EGFLAM: variants seen among roughly 807,000 people sequenced by gnomAD.
The protein encoded by EGFLAM is EGF like, fibronectin type III and laminin G domains.
A neutral mutation model predicts 113.1 loss-of-function variants in EGFLAM; 79 were observed. The observed-to-expected ratio is 0.70, with a 90% CI of 0.58 to 0.84. The LOEUF is 0.84. Among genes scored for constraint, EGFLAM ranks in the 40% least tolerant of loss-of-function variants. The probability of loss-of-function intolerance (pLI) is 0.00; values close to 1 mark genes in which losing one functional copy is unlikely to be tolerated. For missense variants in EGFLAM, 1,265 were observed against 1,291.6 expected (o/e 0.98, Z 0.32); for synonymous variants, 504 against 487.6 (o/e 1.03, Z -0.44).
At chr5:38,417,056 A>C (rs1441106282) in intron 11 of EGFLAM, among the ~76,000 whole-genome samples, 1 of 152,040 alleles carries the variant, frequency 6.6e-6, no homozygotes, top group Non-Finnish European at 1.5e-5. Context: ...TTTGGTCATA[A>C]AAAAAAGAAT....
rs1740181738 is a variant in EGFLAM at position 38,370,525 on chromosome 5, A to T, written c.712+63A>T. ...GCATATCTGGGCTTGCCTCATGAAG[A>T]CTCACTTGACCTGGATGCCGTGCAG... On this transcript the variant is annotated intron_variant, in intron 6 of 21. Transcript: ENST00000322350. 1.9e-6 allele frequency: 3 copies of T among 1,553,004 alleles called. No individual in the cohort carries two copies. In the Admixed American group the frequency reaches 5.5e-5, roughly 29 times the overall value.
chr5:38,433,096 C>G (rs1008018961), intron 15 of EGFLAM, among the ~76,000 whole-genome samples: 2 of 152,226 alleles, frequency 1.3e-5, no homozygotes, highest in African/African-American at 4.8e-5. Context: ...TTCATCAAGT[C>G]TTTTCCACAA....
intron 1 of EGFLAM, among the ~76,000 whole-genome samples, chr5:38,314,311 A>G (rs940792022): frequency 6.6e-6 from 1 of 152,156 alleles, no homozygotes; most frequent in African/African-American, 2.4e-5. Context: ...TTCCAAGGCT[A>G]TCTGTTCTGT....
chr5:38,329,656 G>A (rs903892572), intron 1 of EGFLAM, among the ~76,000 whole-genome samples: 14 of 152,036 alleles, frequency 9.2e-5, no homozygotes, highest in East Asian at 5.8e-4. Flanking sequence ...TTCGTGGTTC[G>A]TCCCCCAGTT....
At chr5:38,412,461 C>G (rs867316993) in intron 10 of EGFLAM, 43 bp from the exon 11 acceptor site, 1 of 1,613,854 alleles carries the variant, frequency 6.2e-7, no homozygotes. Flanking sequence ...ACATAATGGC[C>G]TGGTTCGTCA....
intron 1 of EGFLAM, among the ~76,000 whole-genome samples, chr5:38,272,413 T>C (rs1325762593): frequency 6.6e-6 from 1 of 152,176 alleles, no homozygotes; most frequent in African/African-American, 2.4e-5. Flanking sequence ...TGTGTGGGAA[T>C]GGCATCGGAG....
chr5:38,287,612 T>C (rs191153242), intron 1 of EGFLAM, among the ~76,000 whole-genome samples: 1 of 152,240 alleles, frequency 6.6e-6, no homozygotes, highest in Non-Finnish European at 1.5e-5. Flanking sequence ...CCTCTAGTGA[T>C]CTGCCCACCT....
intron 14 of EGFLAM, among the ~76,000 whole-genome samples, chr5:38,429,570 A>G (rs1742123983): frequency 6.6e-6 from 1 of 152,232 alleles, no homozygotes; most frequent in Non-Finnish European, 1.5e-5. Flanking sequence ...ATAAAACGTA[A>G]TGAGTAAAAC....
chr5:38,265,758 A>C (rs758059725), intron 1 of EGFLAM, among the ~76,000 whole-genome samples: 1 of 152,224 alleles, frequency 6.6e-6, no homozygotes, highest in Non-Finnish European at 1.5e-5. Context: ...CACATTCCAG[A>C]GCTGGCTCTG....
chr5:38,367,350 A>C, intron 5 of EGFLAM, among the ~76,000 whole-genome samples: 1 of 150,154 alleles, frequency 6.7e-6, no homozygotes, highest in Admixed American at 6.6e-5. Flanking sequence ...GGGCTCAAGC[A>C]ATCCACCCAC....
At chr5:38,451,177 C>G (rs1053744822) in intron 18 of EGFLAM, 138 bp from the exon 19 acceptor site, 33 of 1,157,714 alleles carry the variant, frequency 2.9e-5, no homozygotes, top group Non-Finnish European at 4.1e-5. Context: ...TGGTGCGACT[C>G]GTGGTAATGA....
chr5:38,370,439 C>T lies in EGFLAM; in HGVS notation c.689C>T (p.Pro230Leu). Residue 230 changes from proline (P) to leucine (L), a missense_variant, in exon 6 of 22, where the codon CCC becomes CTC. Physicochemically the swap from Pro to Leu is moderately conservative, Grantham distance 98. Transcript: ENST00000322350. ...NSHGPSPRSW[P>L]SDIIRTLCPE... ...CATGGCCCCAGCCCCCGCAGCTGGCCCAGTGACATCATCCGGACCCTCTGT... is the reference window on the plus strand; with the variant it reads ...CATGGCCCCAGCCCCCGCAGCTGGCTCAGTGACATCATCCGGACCCTCTGT... The T allele has an allele frequency of 2.5e-6, 4 of 1,614,102 alleles. No individual in the cohort carries two copies. The highest frequency in any genetic ancestry group is 3.4e-6 in the Non-Finnish European group (4 of 1,180,016).
intron 12 of EGFLAM, among the ~76,000 whole-genome samples, chr5:38,420,602 C>T (rs1263971159): frequency 1.3e-5 from 2 of 152,178 alleles, no homozygotes; most frequent in East Asian, 1.9e-4. Flanking sequence ...CTTTGCACAT[C>T]GCAAACATTT....
chr5:38,321,114 A>C (rs1327077579), intron 1 of EGFLAM, among the ~76,000 whole-genome samples: 1 of 152,116 alleles, frequency 6.6e-6, no homozygotes, highest in Non-Finnish European at 1.5e-5. Context: ...AACTTACCAT[A>C]GTGTAGAATC....
At chr5:38,262,790 G>A (rs74293552) in intron 1 of EGFLAM, among the ~76,000 whole-genome samples, 9,664 of 152,246 alleles carry the variant, frequency 0.063, 420 homozygotes, top group African/African-American at 0.11. Context: ...TCCTAGACAC[G>A]TGCACGTAGA....
chr5:38,433,093 A>T (rs569315377), intron 15 of EGFLAM, among the ~76,000 whole-genome samples: 1 of 152,320 alleles, frequency 6.6e-6, no homozygotes, highest in African/African-American at 2.4e-5. Context: ...ACCTTCATCA[A>T]GTCTTTTCCA....
At chr5:38,398,551 A>AT (rs1370396734) in intron 6 of EGFLAM, among the ~76,000 whole-genome samples, 1 of 152,200 alleles carries the variant, frequency 6.6e-6, no homozygotes, top group African/African-American at 2.4e-5. Flanking sequence ...AGGTAAAGGG[A>AT]TGGGCAGTGA....
chr5:38,320,893 C>T (rs936323631), intron 1 of EGFLAM, among the ~76,000 whole-genome samples: 2 of 152,094 alleles, frequency 1.3e-5, no homozygotes, highest in Admixed American at 1.3e-4. Flanking sequence ...CATAGGAACT[C>T]CTAGTAAGGA....
chr5:38,353,028 CT>C (rs1367549041), intron 5 of EGFLAM, among the ~76,000 whole-genome samples: 8 of 152,150 alleles, frequency 5.3e-5, no homozygotes, highest in African/African-American at 1.7e-4. Context: ...GGGGAAAAAT[CT>C]TTTAACAACA....
Sources: allele counts gnomAD v4.1 joint callset (sites outside exome capture counted in the v4.1 genomes callset), GRCh38; gene constraint gnomAD v4.1.1; transcripts MANE v1.5; gene names NCBI Gene and HGNC (gene_info 2026-07-23, HGNC 2026-07-21).